Variants in MACF1 observed in about 807,000 individuals in gnomAD.
The protein encoded by MACF1 is microtubule-actin cross-linking factor 1.
In MACF1, 193 loss-of-function variants were observed where a neutral mutation model predicts 854.8. That is an observed-to-expected ratio of 0.23 (90% confidence interval 0.20 to 0.25). MACF1 has a LOEUF of 0.25. MACF1 is among the 10% of genes least tolerant of loss of function. The pLI is 1.00. For missense variants in MACF1, 7,722 were observed against 8,929.1 expected, an observed-to-expected ratio of 0.86 and a Z score of 5.45; for synonymous variants, 3,185 against 3,226.7, an observed-to-expected ratio of 0.99 and a Z score of 0.44.
At position 39,332,067 on chromosome 1, in the gene MACF1, G is replaced by T. The variant is rs1455511988; in HGVS notation, c.5479G>T (p.Ala1827Ser). ...GGGGCAAAGGCTAACAATAGATGAA[G>T]CAGTGAGCAATGATCTAGTAGCTGC... Reference protein sequence around the residue: ...VTGQRLTIDEAVSNDLVAAKI... With the variant: ...VTGQRLTIDESVSNDLVAAKI... Residue 1827 changes from alanine (A) to serine (S), a missense_variant, in exon 37 of 101, where the codon GCA becomes TCA. This residue lies in a region of MACF1 where 1,531 missense variants were observed against 1,601.6 expected (regional missense o/e 0.96). Coordinates refer to ENST00000564288, the MANE Select transcript of MACF1 (RefSeq NM_001394062.1). The T allele has an allele frequency of 6.2e-7, 1 of 1,614,092 alleles. No individual in the cohort carries two copies. Among genetic ancestry groups the T allele is most frequent in the Non-Finnish European group, 8.5e-7 (1 of 1,180,010 alleles).
At position 39,337,455 on chromosome 1, in the gene MACF1, C is replaced by T. The variant is rs1030849792; in HGVS notation, c.10215+124C>T. 90 of 883,712 alleles carry T rather than the reference C, an allele frequency of 1.0e-4. No homozygotes were observed. The Admixed American group carries it at 2.8e-3, about 27-fold the overall frequency. The allele number at this position is 883,712 out of a possible 1,614,324, so 54.7% of individuals were successfully genotyped here. A position where few individuals can be genotyped will look rare whatever the true frequency, so the allele number is the denominator to read the frequency against. ...TATTCTAGGGTAAACAATCTCAGAC[C>T]CTTGTCAGATAATTATGGGATGGGC... On this transcript the variant is annotated intron_variant, in intron 38 of 100. Coordinates refer to ENST00000564288, the MANE Select transcript of MACF1 (RefSeq NM_001394062.1).
chr1:39,289,855 C>A (rs762963694), intron 15 of MACF1, among the ~76,000 whole-genome samples: 3 of 151,806 alleles, frequency 2.0e-5, no homozygotes, highest in Non-Finnish European at 4.4e-5. Flanking sequence ...GCACGCGCCA[C>A]CATGCCCAGC....
intron 2 of MACF1, among the ~76,000 whole-genome samples, chr1:39,149,289 T>C (rs1021523635): frequency 3.3e-5 from 5 of 152,126 alleles, no homozygotes; most frequent in African/African-American, 1.2e-4. Context: ...CCCAGCACTT[T>C]GAGAGGCCGA....
In MACF1 at chr1:39,448,043, C is replaced by T. The variant is rs1644263721; in HGVS notation, c.19979C>T (p.Ala6660Val). The T allele has an allele frequency of 6.2e-7, 1 of 1,613,946 alleles. No homozygotes were observed. The change falls in exon 83 of 101, where the codon GCT (alanine) becomes GTT (valine). Residue 6660 changes from alanine (A) to valine (V), a missense_variant. Physicochemically the swap from Ala to Val is moderately conservative, Grantham distance 64. Around this residue, in one of 15 missense-constraint regions of MACF1, gnomAD observed 729 missense variants for 900.5 expected, o/e 0.81. Coordinates refer to ENST00000564288, the MANE Select transcript of MACF1 (RefSeq NM_001394062.1). ...ARKRAKQFHE[A>V]WKKLIDWLED... is the part of the protein sequence containing the mutation. The stretch of plus-strand genomic sequence containing the variant: ...CTTATGTAATTTTAGTTCCATGAAG[C>T]TTGGAAAAAACTGATTGACTGGCTA...
intron 2 of MACF1, among the ~76,000 whole-genome samples, chr1:39,106,804 C>T (rs1642253565): frequency 1.4e-5 from 2 of 140,082 alleles, no homozygotes. Flanking sequence ...TCCCCCCTCC[C>T]CCCCACTTTT....
chr1:39,437,428 A>G (rs558507140), intron 70 of MACF1, among the ~76,000 whole-genome samples: 1 of 152,040 alleles, frequency 6.6e-6, no homozygotes, highest in East Asian at 1.9e-4. Context: ...GTCATGCCTC[A>G]GCCTCCCTAG....
intron 52 of MACF1, among the ~76,000 whole-genome samples, chr1:39,374,994 C>T (rs1463987432): frequency 6.6e-6 from 1 of 151,300 alleles, no homozygotes; most frequent in Non-Finnish European, 1.5e-5. Context: ...CCTGTAGTCC[C>T]AGCTACTCGG....
chr1:39,447,464 A>G lies in MACF1; in HGVS notation c.19638A>G (p.Thr6546=), dbSNP rs200264259. The G allele has an allele frequency of 6.2e-7, 1 of 1,614,170 alleles. No homozygotes were observed. Among genetic ancestry groups the G allele is most frequent in the East Asian group, 2.2e-5 (1 of 44,882 alleles). Residue 6546 remains threonine (T), a synonymous_variant, in exon 81 of 101, where the codon ACA becomes ACG. Transcript: ENST00000564288. The stretch of plus-strand genomic sequence containing the variant: ...TGGAAGAGGCCCTCAACTTGGCAAC[A>G]GAATTCCAGAATTCCCTACAAGAAT... The part of the protein sequence containing the change: ...SKLEEALNLA[T]EFQNSLQEFI...
chr1:39,452,523 A>G (rs946872357), intron 86 of MACF1, 161 bp from the exon 87 acceptor site: 1 of 1,151,074 alleles, frequency 8.7e-7, no homozygotes, highest in Non-Finnish European at 1.2e-6. Flanking sequence ...TAATGAATTC[A>G]GTTGATTTTC....
Position 39,444,671 on chromosome 1 carries a change from T to G in MACF1, c.19441T>G (p.Ser6481Ala), listed in dbSNP as rs892577115. The change falls in exon 80 of 101, where the codon TCC becomes GCC. Residue 6481 changes from serine (S) to alanine (A), a missense_variant. This residue lies in a region of MACF1 where 729 missense variants were observed against 900.5 expected (regional missense o/e 0.81). Transcript: ENST00000564288. Reference sequence around the variant, plus strand: ...CTGCCTTTTCTTGTAGGAACTCTATTCCCAGCTGAAAGCCAAGGAAGAGAC... The same window carrying G: ...CTGCCTTTTCTTGTAGGAACTCTATGCCCAGCTGAAAGCCAAGGAAGAGAC... ...EQLDTHMELY[S>A]QLKAKEETYN... 1.9e-5 allele frequency: 31 copies of G among 1,611,088 alleles called. No homozygotes were observed. The highest frequency in any genetic ancestry group is 2.5e-5 in the Non-Finnish European group (30 of 1,178,134).
intron 2 of MACF1, among the ~76,000 whole-genome samples, chr1:39,134,520 A>G (rs1038722133): frequency 6.6e-6 from 1 of 152,098 alleles, no homozygotes; most frequent in Non-Finnish European, 1.5e-5. Context: ...AGAAAGCAGC[A>G]TCTTACAGTG....
chr1:39,249,347 T>G (rs1056272706), intron 2 of MACF1, among the ~76,000 whole-genome samples: 4 of 152,294 alleles, frequency 2.6e-5, no homozygotes, highest in African/African-American at 7.2e-5. Context: ...GTGCCTTATT[T>G]CCTCATGTGT....
intron 54 of MACF1, among the ~76,000 whole-genome samples, chr1:39,379,699 A>G (rs1047117783): frequency 2.6e-5 from 4 of 152,250 alleles, no homozygotes; most frequent in Non-Finnish European, 5.9e-5. Flanking sequence ...AGCCCTCCCC[A>G]GAATCGTTAG....
intron 44 of MACF1, among the ~76,000 whole-genome samples, chr1:39,355,667 T>C (rs1437836314): frequency 6.6e-6 from 1 of 152,122 alleles, no homozygotes; most frequent in Non-Finnish European, 1.5e-5. Flanking sequence ...GGTTTCACCA[T>C]GTTGGCCAGC....
intron 2 of MACF1, among the ~76,000 whole-genome samples, chr1:39,233,022 GTTGTTGTTGTGTTTTGTT>G (rs1557532610): frequency 9.9e-6 from 1 of 100,528 alleles, no homozygotes; most frequent in Admixed American, 1.1e-4. Flanking sequence ...TGTTGTTGTT[GTTGTTGTTGTGTTTTGTT>G]TTTTGTTTTT....
chr1:39,140,158 T>A (rs924697239), intron 2 of MACF1, among the ~76,000 whole-genome samples: 1 of 152,144 alleles, frequency 6.6e-6, no homozygotes. Flanking sequence ...TCTCACTGTG[T>A]TGCCCAGGCT....
chr1:39,454,767 T>C (rs553071448), intron 88 of MACF1, 142 bp from the exon 89 acceptor site: 1 of 712,948 alleles, frequency 1.4e-6, no homozygotes, highest in Non-Finnish European at 2.3e-6. Flanking sequence ...GCCACTACAC[T>C]CCAGTGTGGG....
chr1:39,347,026 C>A lies in MACF1; in HGVS notation c.10631C>A (p.Ala3544Asp). 5.6e-6 allele frequency: 9 copies of A among 1,614,094 alleles called. No individual in the cohort carries two copies. Among genetic ancestry groups the A allele is most frequent in the Non-Finnish European group, 7.6e-6 (9 of 1,179,994 alleles). ...AERKAQLDAL[A>D]FDIQFFISEH... The stretch of plus-strand genomic sequence containing the variant: ...AGGAAAGCTCAGCTGGATGCTCTTG[C>A]TTTTGATATTCAGTTCTTTATCTCA... Residue 3544 changes from alanine (A) to aspartate (D), a missense_variant, in exon 41 of 101, where the codon GCT (alanine) becomes GAT (aspartate). Ala to Asp is a moderately radical substitution (Grantham distance 126). This residue lies in a region of MACF1 where 854 missense variants were observed against 852.6 expected (regional missense o/e 1.00). Coordinates refer to ENST00000564288, the MANE Select transcript of MACF1 (RefSeq NM_001394062.1).
rs548836367 is a variant in MACF1, at chr1:39,375,293, A to ATTTC, written c.13213+2709_13213+2712dup. On this transcript the variant is annotated intron_variant, in intron 52 of 100. Coordinates refer to ENST00000564288, the MANE Select transcript of MACF1 (RefSeq NM_001394062.1). ...TATTGGATGACAGCTTCACCATCTA[A>ATTTC]TTTCTTTCTTTCTTTTTTTTTTTCC... is the stretch of plus-strand genomic sequence containing the variant. Among the ~76,000 whole-genome samples the ATTTC allele has an allele frequency of 5.9e-3, 888 of 151,480 alleles. 6 individuals carry two copies. The highest frequency in any genetic ancestry group is 0.017 in the Middle Eastern group (5 of 294).
Sources: allele counts gnomAD v4.1 joint callset (sites outside exome capture counted in the v4.1 genomes callset), GRCh38; gene constraint gnomAD v4.1.1; regional missense constraint gnomAD v4.1.1; transcripts MANE v1.5; gene names NCBI Gene and HGNC (gene_info 2026-07-23, HGNC 2026-07-21).